The following TNS3 variants were observed in gnomAD, a reference collection of about 807,000 sequenced individuals.
The protein encoded by TNS3 is tensin 3.
A neutral mutation model predicts 140.9 loss-of-function variants in TNS3; 45 were observed. The ratio of observed to expected loss-of-function variants is 0.32; its 90% confidence interval spans 0.25 to 0.41. The LOEUF is 0.41. Among genes scored for constraint, TNS3 ranks in the 10% least tolerant of loss-of-function variants. The pLI, the probability that TNS3 is intolerant of heterozygous loss-of-function variation, is 1.00. For missense variants in TNS3, 1,716 were observed against 1,906.7 expected (o/e 0.90, Z 1.86); for synonymous variants, 815 against 788.4 (o/e 1.03, Z -0.56).
chr7:47,445,069 T>C (rs527724220), intron 4 of TNS3, among the ~76,000 whole-genome samples: 1 of 152,250 alleles, frequency 6.6e-6, no homozygotes, highest in African/African-American at 2.4e-5. Flanking sequence ...TCCCCCAACA[T>C]ACCCAATTTT....
At chr7:47,333,640 AAAG>A (rs1305077267) in intron 20 of TNS3, among the ~76,000 whole-genome samples, 3 of 152,200 alleles carry the variant, frequency 2.0e-5, no homozygotes, top group Non-Finnish European at 2.9e-5. Flanking sequence ...TACAGGAAAG[AAAG>A]AAGAAGATTG....
At chr7:47,553,395 T>C (rs545605724) in intron 1 of TNS3, among the ~76,000 whole-genome samples, 44 of 152,334 alleles carry the variant, frequency 2.9e-4, no homozygotes, top group African/African-American at 9.9e-4. Flanking sequence ...CTAACTGTCT[T>C]GTGAGGGGCT....
intron 24 of TNS3, among the ~76,000 whole-genome samples, chr7:47,295,379 T>A (rs1785949496): frequency 6.6e-6 from 1 of 152,190 alleles, no homozygotes; most frequent in African/African-American, 2.4e-5. Context: ...CCTCTCCCAA[T>A]AATCTCTCAT....
chr7:47,400,636 G>T, intron 14 of TNS3, 149 bp downstream of exon 14: 1 of 1,404,526 alleles, frequency 7.1e-7, no homozygotes, highest in Non-Finnish European at 9.7e-7. Context: ...TTTCCCCCAG[G>T]GATCAATGAT....
chr7:47,530,823 C>CAAAAAAAAAAAAAAAA (rs781707373), intron 1 of TNS3, among the ~76,000 whole-genome samples: 5 of 45,010 alleles, frequency 1.1e-4, no homozygotes, highest in East Asian at 9.5e-4. Context: ...AACTCCATCT[C>CAAAAAAAAAAAAAAAA]AAAAAAAAAA....
chr7:47,467,864 G>T (rs1313021480), intron 4 of TNS3, among the ~76,000 whole-genome samples: 1 of 152,152 alleles, frequency 6.6e-6, no homozygotes, highest in African/African-American at 2.4e-5. Flanking sequence ...ACAGCACGCT[G>T]GCTGTCCCCC....
At position 47,368,848 on chromosome 7, in the gene TNS3, G is replaced by T. The variant is rs550385057; in HGVS notation, c.1798C>A (p.Gln600Lys). The T allele has an allele frequency of 9.3e-6, 15 of 1,613,574 alleles. No individual in the cohort carries two copies. The East Asian group carries it at 3.3e-4, about 36-fold the overall frequency. The change falls in exon 17 of 31, where the codon CAG (glutamine) becomes AAG (lysine). Residue 600 changes from glutamine to lysine, a missense_variant. Coordinates refer to ENST00000311160, the MANE Select transcript of TNS3 (RefSeq NM_022748.12). The stretch of plus-strand genomic sequence containing the variant: ...TCCCCATCTGGGGCGAAGCTATACT[G>T]GTGAGCTACAACCATCTGCTGCTGG... ...VRQQQMVVAH[Q>K]YSFAPDGEAR...
chr7:47,552,631 A>G (rs908749436), intron 1 of TNS3, among the ~76,000 whole-genome samples: 1 of 152,200 alleles, frequency 6.6e-6, no homozygotes, highest in Non-Finnish European at 1.5e-5. Context: ...CCAAATCCAT[A>G]TAAGACTGCG....
At position 47,359,740 on chromosome 7, in the gene TNS3, G is replaced by A. The variant is rs539740006; in HGVS notation, c.2281+8625C>T. On this transcript the variant is annotated intron_variant, in intron 17 of 30. Transcript: ENST00000311160. ...GTGTTAAATTTAGTTTTCAGTATGT[G>A]CTTAAGGAGGTTATATTCGCTATGA... Among the ~76,000 whole-genome samples, 16 of 152,248 alleles carry A rather than the reference G, an allele frequency of 1.1e-4. No individual in the cohort carries two copies. The East Asian group carries it at 3.1e-3, about 29-fold the overall frequency.
chr7:47,497,811 G>A (rs1303764713), intron 3 of TNS3, among the ~76,000 whole-genome samples: 2 of 152,082 alleles, frequency 1.3e-5, no homozygotes, highest in Admixed American at 6.5e-5. Context: ...CGAGCTATAT[G>A]GGGCTCCCTC....
At chr7:47,322,213 C>CAAAAAAAAAAA (rs759875153) in intron 20 of TNS3, among the ~76,000 whole-genome samples, 8 of 49,926 alleles carry the variant, frequency 1.6e-4, no homozygotes, top group Admixed American at 2.9e-4. Flanking sequence ...GTAGAACGGG[C>CAAAAAAAAAAA]AAAAAAAAAA....
rs1027566784 is a variant in TNS3 at position 47,407,429 on chromosome 7, C to G, written c.723+4298G>C. The stretch of plus-strand genomic sequence containing the variant: ...GCAGGAGCCCTGCACTGCCCACTCA[C>G]GTGTCCACCGCATCTTCTCATGCAG... On this transcript the variant is annotated intron_variant, in intron 13 of 30. Transcript: ENST00000311160. This position sits in a 1 kb window ranked among gnomAD's most constrained non-coding sequence, Gnocchi z 4.1. Among the ~76,000 whole-genome samples, 1 of 152,226 alleles carries G rather than the reference C, an allele frequency of 6.6e-6. No individual in the cohort carries two copies. The highest frequency in any genetic ancestry group is 1.5e-5 in the Non-Finnish European group (1 of 68,044).
intron 3 of TNS3, among the ~76,000 whole-genome samples, chr7:47,496,980 T>A (rs1043884997): frequency 6.6e-6 from 1 of 152,146 alleles, no homozygotes; most frequent in African/African-American, 2.4e-5. Flanking sequence ...CAAGAGGCAC[T>A]TGGATTCCAG....
At chr7:47,490,837 A>G (rs1797783770) in intron 3 of TNS3, among the ~76,000 whole-genome samples, 1 of 152,194 alleles carries the variant, frequency 6.6e-6, no homozygotes, top group Non-Finnish European at 1.5e-5. Context: ...TGTACAGGGG[A>G]TTTGTTAGGC....
Position 47,275,943 on chromosome 7 carries a change from T to C in TNS3, c.*2133A>G. ...TGAGACCCTAGTTTGCTCTGACTTC[T>C]AAATGAGCTCTCTCATCCTTCATCA... On this transcript the variant is annotated 3_prime_UTR_variant, in exon 31 of 31. Coordinates refer to ENST00000311160, the MANE Select transcript of TNS3 (RefSeq NM_022748.12). 1 of 446,892 alleles carries C rather than the reference T, an allele frequency of 2.2e-6. No homozygotes were observed. The highest frequency in any genetic ancestry group is 3.3e-4 in the Middle Eastern group (1 of 3,020). 27.7% of individuals were successfully genotyped at this position (446,892 alleles called of 1,614,324 possible).
chr7:47,361,567 A>C (rs1477723149), intron 17 of TNS3, among the ~76,000 whole-genome samples: 1 of 152,198 alleles, frequency 6.6e-6, no homozygotes. Flanking sequence ...CAGAGCTTGC[A>C]GATAAGCTGC....
intron 17 of TNS3, among the ~76,000 whole-genome samples, chr7:47,346,669 T>G (rs1022480014): frequency 6.6e-6 from 1 of 152,102 alleles, no homozygotes; most frequent in Non-Finnish European, 1.5e-5. Context: ...GAAAGGACAG[T>G]GCCCGGATGG....
At chr7:47,281,983 A>T (rs998631070) in intron 28 of TNS3, among the ~76,000 whole-genome samples, 1 of 149,222 alleles carries the variant, frequency 6.7e-6, no homozygotes, top group Non-Finnish European at 1.5e-5. Flanking sequence ...CCTGACTGTA[A>T]GCCTGAGTCC....
chr7:47,418,537 T>A (rs971936704), intron 10 of TNS3, among the ~76,000 whole-genome samples: 2 of 152,228 alleles, frequency 1.3e-5, no homozygotes, highest in Admixed American at 6.5e-5. Flanking sequence ...TTTTCAGAGC[T>A]GGAAAGATTA....
Sources: gnomAD v4.1 joint callset for allele counts (sites outside exome capture counted in the v4.1 genomes callset) on GRCh38, gnomAD v4.1.1 for gene constraint, Gnocchi (gnomAD v3.1) non-coding constraint, MANE v1.5 for transcripts, NCBI Gene and HGNC (gene_info 2026-07-23, HGNC 2026-07-21) for gene names.